OR3A2: variants seen among roughly 807,000 people sequenced by gnomAD.
The protein encoded by OR3A2 is olfactory receptor family 3 subfamily A member 2, also known as olfactory receptor 3A2.
For missense variants in OR3A2, 318 were observed against 392.8 expected, an observed-to-expected ratio of 0.81 and a Z score of 1.61; for synonymous variants, 126 against 159.3, an observed-to-expected ratio of 0.79 and a Z score of 1.57.
intron 3 of OR3A2, among the ~76,000 whole-genome samples, chr17:3,331,205 T>C (rs1164280921): frequency 6.6e-6 from 1 of 152,106 alleles, no homozygotes; most frequent in African/African-American, 2.4e-5. Context: ...GGAGTTGCTC[T>C]TCTCAAGGAG....
At chr17:3,365,927 C>T (rs147863274) in intron 2 of OR3A2, among the ~76,000 whole-genome samples, 1 of 152,282 alleles carries the variant, frequency 6.6e-6, no homozygotes, top group African/African-American at 2.4e-5. Flanking sequence ...CAGCTTTGAA[C>T]ACACAGGACT....
intron 3 of OR3A2, among the ~76,000 whole-genome samples, chr17:3,326,769 G>A (rs1004603900): frequency 7.4e-6 from 1 of 135,272 alleles, no homozygotes; most frequent in African/African-American, 2.9e-5. Context: ...TGATCTCATT[G>A]TTCAATTCCC....
chr17:3,339,285 C>G (rs2049296201), intron 2 of OR3A2, among the ~76,000 whole-genome samples: 1 of 152,156 alleles, frequency 6.6e-6, no homozygotes, highest in South Asian at 2.1e-4. Context: ...ACTGCCCTAG[C>G]AAAGAACTTT....
Position 3,278,752 on chromosome 17 carries a change from G to A in OR3A2, c.166C>T (p.Pro56Ser), listed in dbSNP as rs1165410489. 7 of 1,364,696 alleles carry A rather than the reference G, an allele frequency of 5.1e-6. No individual in the cohort carries two copies. The highest frequency in any genetic ancestry group is 7.0e-6 in the Non-Finnish European group (7 of 996,672). The allele number at this position is 1,364,696 out of a possible 1,614,324, so 84.5% of individuals were successfully genotyped here. Reference sequence around the variant, plus strand: ...AAGTACATGGGGGCGTGGAGTTTGGGCTCCACCAAGACGGCTGCCAGGATG... The same window carrying A: ...AAGTACATGGGGGCGTGGAGTTTGGACTCCACCAAGACGGCTGCCAGGATG... The change falls in exon 2 of 2, where the codon CCC becomes TCC. Residue 56 changes from proline to serine, a missense_variant. Pro to Ser is a moderately conservative substitution (Grantham distance 74). Coordinates refer to ENST00000642052, the Ensembl canonical transcript of OR3A2.
At chr17:3,304,380 C>T (rs1353674853) in intron 3 of OR3A2, among the ~76,000 whole-genome samples, 1 of 152,196 alleles carries the variant, frequency 6.6e-6, no homozygotes, top group Non-Finnish European at 1.5e-5. Context: ...CCAGCCTGAA[C>T]TCTGTCTCCT....
intron 3 of OR3A2, among the ~76,000 whole-genome samples, chr17:3,294,002 T>C (rs12602609): frequency 0.098 from 14,945 of 152,132 alleles, 1,302 homozygotes; most frequent in East Asian, 0.5. Context: ...AGCTAATGCA[T>C]GCTGGGCTTA....
intron 3 of OR3A2, among the ~76,000 whole-genome samples, chr17:3,320,838 C>G (rs1270938046): frequency 6.6e-6 from 1 of 151,956 alleles, no homozygotes; most frequent in Non-Finnish European, 1.5e-5. Context: ...GTTCTTTTGG[C>G]TTAGGATTGA....
chr17:3,311,059 TG>T lies in OR3A2; in HGVS notation c.-85+24973del. 1.8e-6 allele frequency: 1 copy of T among 545,912 alleles called. No individual in the cohort carries two copies. The highest frequency in any genetic ancestry group is 1.4e-5 in the South Asian group (1 of 72,574). 33.8% of individuals were successfully genotyped at this position (545,912 alleles called of 1,614,324 possible). ...TCCACGTGTAGTTCCCACCTCACTGTGGTGGGCATCTTCTATGGGACGGGCG... is the reference window on the plus strand; with the variant it reads ...TCCACGTGTAGTTCCCACCTCACTGTGTGGGCATCTTCTATGGGACGGGCG... On this transcript the variant is annotated intron_variant, in intron 3 of 4. Coordinates refer to the OR3A2 transcript ENST00000573491. The surrounding 1 kb of genome is among the most constrained non-coding windows in gnomAD (Gnocchi z 4.6).
At position 3,327,929 on chromosome 17, in the gene OR3A2, T is replaced by A. The variant is rs2049191284; in HGVS notation, c.-85+8104A>T. Among the ~76,000 whole-genome samples the A allele has an allele frequency of 1.6e-5, 2 of 121,634 alleles. 1 individual carries two copies. Among genetic ancestry groups the A allele is most frequent in the Non-Finnish European group, 3.4e-5 (2 of 58,744 alleles). The allele number at this position is 121,634 out of a possible 152,430, so 79.8% of individuals were successfully genotyped here. ...CCATTGACCTATATCTCTGTTTTGG[T>A]ACCAGTACCATGCTGTTTTGGTTAC... On this transcript the variant is annotated intron_variant, in intron 3 of 4. Transcript: ENST00000573491.
chr17:3,346,873 AT>A (rs1034366919), intron 2 of OR3A2, among the ~76,000 whole-genome samples: 2 of 152,056 alleles, frequency 1.3e-5, no homozygotes, highest in Non-Finnish European at 2.9e-5. Context: ...ACTGACTCTC[AT>A]TTTTTATGGC....
intron 1 of OR3A2, among the ~76,000 whole-genome samples, chr17:3,283,284 G>A (rs751738044): frequency 1.4e-4 from 22 of 152,152 alleles, no homozygotes; most frequent in Non-Finnish European, 2.2e-4. Context: ...GGAGTACAAT[G>A]GCATGACCTC....
chr17:3,361,686 G>GT (rs1260209454), intron 2 of OR3A2, among the ~76,000 whole-genome samples: 1 of 151,642 alleles, frequency 6.6e-6, no homozygotes, highest in Non-Finnish European at 1.5e-5. Context: ...TGTGGTTTTT[G>GT]TTTTTTGTTC....
chr17:3,297,091 C>A (rs2048925171), intron 3 of OR3A2, among the ~76,000 whole-genome samples: 1 of 152,152 alleles, frequency 6.6e-6, no homozygotes, highest in South Asian at 2.1e-4. Context: ...GTTATGGACA[C>A]CAGGCAGAGC....
At chr17:3,369,861 T>C (rs2049597785) in intron 2 of OR3A2, among the ~76,000 whole-genome samples, 1 of 150,134 alleles carries the variant, frequency 6.7e-6, no homozygotes, top group Admixed American at 6.7e-5. Flanking sequence ...TGGAGTGCAG[T>C]GGCATAATCT....
chr17:3,341,220 A>C (rs373275643), intron 2 of OR3A2, among the ~76,000 whole-genome samples: 2 of 152,102 alleles, frequency 1.3e-5, no homozygotes, highest in Non-Finnish European at 1.5e-5. Context: ...CTCTTTATTC[A>C]ATTTGCCAGT....
chr17:3,379,706 G>A (rs1486826133), intron 2 of OR3A2, among the ~76,000 whole-genome samples: 1 of 152,166 alleles, frequency 6.6e-6, no homozygotes, highest in Non-Finnish European at 1.5e-5. Flanking sequence ...AGCTTTAGGG[G>A]TGATGGTTGT....
At chr17:3,348,749 T>C (rs1325999116) in intron 2 of OR3A2, among the ~76,000 whole-genome samples, 3 of 151,730 alleles carry the variant, frequency 2.0e-5, no homozygotes, top group Admixed American at 6.6e-5. Context: ...AAAGTTGAAA[T>C]GAAGGAAAAA....
At chr17:3,354,965 T>C (rs767709003) in intron 2 of OR3A2, among the ~76,000 whole-genome samples, 1 of 151,566 alleles carries the variant, frequency 6.6e-6, no homozygotes, top group South Asian at 2.1e-4. Flanking sequence ...GTTTGCATTA[T>C]CATTTGTTTC....
chr17:3,351,805 A>C (rs576166685), intron 2 of OR3A2, among the ~76,000 whole-genome samples: 23 of 152,294 alleles, frequency 1.5e-4, no homozygotes, highest in African/African-American at 5.1e-4. Context: ...ACAGTAACCA[A>C]GACAGCATGG....
Sources: gnomAD v4.1 joint callset for allele counts (sites outside exome capture counted in the v4.1 genomes callset) on GRCh38, gnomAD v4.1.1 for gene constraint, Gnocchi (gnomAD v3.1) non-coding constraint, MANE v1.5 for transcripts, NCBI Gene and HGNC (gene_info 2026-07-23, HGNC 2026-07-21) for gene names.